HCRTR2: variants seen among roughly 807,000 people sequenced by gnomAD.
HCRTR2 encodes the protein hypocretin receptor 2, also known as orexin receptor type 2.
A neutral mutation model predicts 49.0 loss-of-function variants in HCRTR2; 22 were observed. That is an observed-to-expected ratio of 0.45 (90% confidence interval 0.32 to 0.64). The LOEUF (loss-of-function observed/expected upper bound fraction) is 0.64. Among genes scored for constraint, HCRTR2 ranks in the 30% least tolerant of loss-of-function variants. The pLI, the probability that HCRTR2 is intolerant of heterozygous loss-of-function variation, is 0.04. For synonymous variants in HCRTR2, 236 were observed against 205.3 expected, an observed-to-expected ratio of 1.15 and a Z score of -1.28; for missense variants, 491 against 559.4, an observed-to-expected ratio of 0.88 and a Z score of 1.23.
chr6:55,252,687 C>T (rs2127315177), intron 2 of HCRTR2, among the ~76,000 whole-genome samples: 1 of 152,138 alleles, frequency 6.6e-6, no homozygotes, highest in South Asian at 2.1e-4. Context: ...TCAACTTAAG[C>T]CCATTCTCAT....
intron 1 of HCRTR2, among the ~76,000 whole-genome samples, chr6:55,185,725 T>C (rs887207254): frequency 3.3e-5 from 5 of 152,094 alleles, no homozygotes; most frequent in Non-Finnish European, 7.4e-5. Flanking sequence ...TTTACAGAAG[T>C]AAAAATGATA....
At chr6:55,261,931 G>A (rs2127321546) in intron 3 of HCRTR2, among the ~76,000 whole-genome samples, 1 of 152,146 alleles carries the variant, frequency 6.6e-6, no homozygotes, top group South Asian at 2.1e-4. Flanking sequence ...ATATAGCATA[G>A]AATACTACTT....
At chr6:55,108,857 T>C (rs1257356945) in intron 1 of HCRTR2, among the ~76,000 whole-genome samples, 1 of 152,042 alleles carries the variant, frequency 6.6e-6, no homozygotes, top group African/African-American at 2.4e-5. Flanking sequence ...ACAGAAAGCA[T>C]TGTGGGGAGG....
At chr6:55,132,751 CT>C (rs35184458) in intron 1 of HCRTR2, among the ~76,000 whole-genome samples, 72,003 of 139,606 alleles carry the variant, frequency 0.52, 19,917 homozygotes, top group Non-Finnish European at 0.63. Flanking sequence ...CTCTCTCTCT[CT>C]TTTTTTTTTT....
At chr6:55,279,569 G>A (rs1004246284) in intron 5 of HCRTR2, among the ~76,000 whole-genome samples, 5 of 107,546 alleles carry the variant, frequency 4.6e-5, no homozygotes, top group Admixed American at 2.8e-4. Context: ...ACAGACAATC[G>A]AAGATGGAGA....
chr6:55,276,090 G>T (rs1295954664), intron 4 of HCRTR2, among the ~76,000 whole-genome samples: 1 of 152,128 alleles, frequency 6.6e-6, no homozygotes, highest in African/African-American at 2.4e-5. Flanking sequence ...TTTTTAAAAT[G>T]AGAGTCACAG....
intron 1 of HCRTR2, among the ~76,000 whole-genome samples, chr6:55,160,771 A>G (rs1764794270): frequency 6.6e-6 from 1 of 152,232 alleles, no homozygotes; most frequent in African/African-American, 2.4e-5. Flanking sequence ...GATCAATGCA[A>G]CAAGAACAGC....
intron 1 of HCRTR2, among the ~76,000 whole-genome samples, chr6:55,246,321 A>G (rs986851118): frequency 6.6e-6 from 1 of 152,112 alleles, no homozygotes; most frequent in Non-Finnish European, 1.5e-5. Context: ...TTCAGTTCCA[A>G]GAAATAATTA....
chr6:55,163,826 C>T (rs182418617), intron 1 of HCRTR2, among the ~76,000 whole-genome samples: 1 of 152,226 alleles, frequency 6.6e-6, no homozygotes, highest in East Asian at 1.9e-4. Context: ...AAACTATCAT[C>T]AGAGTGAACA....
intron 1 of HCRTR2, among the ~76,000 whole-genome samples, chr6:55,175,120 A>AGTGT (rs369907787): frequency 2.7e-5 from 4 of 149,326 alleles, no homozygotes; most frequent in South Asian, 2.1e-4. Context: ...GATTTTGTTG[A>AGTGT]GTGTGTGTGT....
intron 1 of HCRTR2, among the ~76,000 whole-genome samples, chr6:55,238,868 T>C (rs1766265695): frequency 6.6e-6 from 1 of 152,114 alleles, no homozygotes; most frequent in Non-Finnish European, 1.5e-5. Flanking sequence ...ACCCCCAAAA[T>C]AAGTTCATTG....
intron 1 of HCRTR2, among the ~76,000 whole-genome samples, chr6:55,235,488 CTAA>C (rs1766197205): frequency 6.6e-6 from 1 of 152,026 alleles, no homozygotes; most frequent in Non-Finnish European, 1.5e-5. Context: ...TTGATATACC[CTAA>C]TTTTAGGTTT....
intron 1 of HCRTR2, among the ~76,000 whole-genome samples, chr6:55,203,864 G>A (rs897836155): frequency 6.6e-6 from 1 of 151,506 alleles, no homozygotes; most frequent in Non-Finnish European, 1.5e-5. Context: ...GTCATTGTAA[G>A]GACTTAAGGT....
intron 1 of HCRTR2, among the ~76,000 whole-genome samples, chr6:55,192,262 A>G (rs1765328416): frequency 6.6e-6 from 1 of 152,148 alleles, no homozygotes; most frequent in Admixed American, 6.5e-5. Context: ...TTGCTAAGAA[A>G]GTAATTATTG....
At chr6:55,141,092 T>A (rs1266771536) in intron 1 of HCRTR2, among the ~76,000 whole-genome samples, 1 of 150,936 alleles carries the variant, frequency 6.6e-6, no homozygotes, top group East Asian at 2.0e-4. Flanking sequence ...CCCAGCACTT[T>A]GGGAGGCCGA....
At chr6:55,263,485 T>C (rs1432685558) in intron 3 of HCRTR2, among the ~76,000 whole-genome samples, 1 of 152,100 alleles carries the variant, frequency 6.6e-6, no homozygotes, top group Non-Finnish European at 1.5e-5. Flanking sequence ...TCTGAGTACA[T>C]TAAGTGAAAT....
intron 1 of HCRTR2, among the ~76,000 whole-genome samples, chr6:55,183,081 A>G (rs1765160313): frequency 6.6e-6 from 1 of 152,342 alleles, no homozygotes; most frequent in South Asian, 2.1e-4. Context: ...TTGTGCTTGG[A>G]TTGAGGGTAC....
chr6:55,145,418 T>G (rs199868147), intron 1 of HCRTR2, among the ~76,000 whole-genome samples: 72 of 1,500 alleles, frequency 0.048, no homozygotes, highest in African/African-American at 0.058. Flanking sequence ...TTTTTGTTTG[T>G]TTTTTTTTTT....
At chr6:55,111,733 G>A (rs976064726) in intron 1 of HCRTR2, among the ~76,000 whole-genome samples, 1 of 151,886 alleles carries the variant, frequency 6.6e-6, no homozygotes, top group African/African-American at 2.4e-5. Flanking sequence ...AAGAATAATT[G>A]GTACCAATCC....
Sources: allele counts gnomAD v4.1 joint callset (sites outside exome capture counted in the v4.1 genomes callset), GRCh38; gene constraint gnomAD v4.1.1; transcripts MANE v1.5; gene names NCBI Gene and HGNC (gene_info 2026-07-23, HGNC 2026-07-21).